Variants in SYTL2 observed in about 807,000 individuals in gnomAD.
The protein encoded by SYTL2 is synaptotagmin like 2, also known as synaptotagmin-like protein 2.
In SYTL2, 165 loss-of-function variants were observed where a neutral mutation model predicts 198.7. The observed-to-expected ratio is 0.83, with a 90% CI of 0.73 to 0.94. The LOEUF (loss-of-function observed/expected upper bound fraction) is 0.94, where lower values mean the gene tolerates loss of function less well. Ranked by LOEUF, SYTL2 falls within the 40% of genes least tolerant of loss-of-function variation. SYTL2 has a pLI of 0.00. For missense variants in SYTL2, 2,835 were observed against 2,582.8 expected (o/e 1.10, Z -2.12); for synonymous variants, 966 against 917.7 (o/e 1.05, Z -0.95).
chr11:85,835,765 C>T, the SYTL2 span, among the ~76,000 whole-genome samples: 1 of 152,118 alleles, frequency 6.6e-6, no homozygotes, highest in Non-Finnish European at 1.5e-5. Flanking sequence ...CTTCAAATGT[C>T]AGTATGTAGA....
At chr11:85,806,915 A>C (rs759156756) in intron 1 of SYTL2, among the ~76,000 whole-genome samples, 2 of 152,258 alleles carry the variant, frequency 1.3e-5, no homozygotes, top group African/African-American at 2.4e-5. Flanking sequence ...TGCCAGATGC[A>C]GAAGTTGAAA....
intron 17 of SYTL2, among the ~76,000 whole-genome samples, chr11:85,698,649 T>C (rs891630294): frequency 2.0e-5 from 3 of 152,258 alleles, no homozygotes; most frequent in Admixed American, 1.3e-4. Flanking sequence ...GTGATCCTCC[T>C]ACCTCAGCCC....
At chr11:85,777,089 A>G (rs1219004725) in intron 1 of SYTL2, among the ~76,000 whole-genome samples, 1 of 152,238 alleles carries the variant, frequency 6.6e-6, no homozygotes, top group Non-Finnish European at 1.5e-5. Flanking sequence ...ACAGGAAAAC[A>G]AAAGGACATC....
intron 14 of SYTL2, among the ~76,000 whole-genome samples, chr11:85,708,836 G>GTTTTTTTTT: frequency 1.6e-5 from 1 of 64,274 alleles, no homozygotes; most frequent in African/African-American, 7.7e-5. Context: ...GCTTCTCTGT[G>GTTTTTTTTT]ATTTTTTTTT....
chr11:85,709,626 T>C (rs1172942265), intron 13 of SYTL2, 126 bp from the exon 14 acceptor site: 5 of 831,664 alleles, frequency 6.0e-6, no homozygotes, highest in South Asian at 1.6e-5. Context: ...TAATTCAATA[T>C]AGCATAAAGA....
At chr11:85,713,918 G>A (rs1229696296) in intron 12 of SYTL2, among the ~76,000 whole-genome samples, 1 of 152,188 alleles carries the variant, frequency 6.6e-6, no homozygotes, top group East Asian at 1.9e-4. Context: ...CACCTGTAAT[G>A]TGTGGGGATA....
chr11:85,751,109 G>A (rs2091484571), intron 2 of SYTL2, among the ~76,000 whole-genome samples: 1 of 152,128 alleles, frequency 6.6e-6, no homozygotes, highest in African/African-American at 2.4e-5. Context: ...AGCCATTATA[G>A]TAAGGAAAGG....
the SYTL2 span, among the ~76,000 whole-genome samples, chr11:85,829,060 T>G: frequency 2.8e-5 from 4 of 145,104 alleles, no homozygotes; most frequent in South Asian, 2.2e-4. Context: ...TTTTTTTTTT[T>G]TTGTTTGTTT....
intron 1 of SYTL2, among the ~76,000 whole-genome samples, chr11:85,792,295 G>A (rs907891905): frequency 8.5e-5 from 13 of 152,092 alleles, no homozygotes; most frequent in African/African-American, 2.9e-4. Context: ...ACCCTAACGG[G>A]GTAGTTAAGA....
chr11:85,850,727 G>A, the SYTL2 span, among the ~76,000 whole-genome samples: 9 of 150,802 alleles, frequency 6.0e-5, no homozygotes, highest in East Asian at 1.9e-4. Flanking sequence ...ACATGCACAC[G>A]TATGTTTATT....
intron 2 of SYTL2, 91 bp downstream of exon 2, chr11:85,757,534 A>T: frequency 7.1e-7 from 1 of 1,414,818 alleles, no homozygotes; most frequent in Non-Finnish European, 9.8e-7. Context: ...AGTCAGAACT[A>T]CCACTTATAG....
the SYTL2 span, among the ~76,000 whole-genome samples, chr11:85,850,202 T>C: frequency 8.0e-4 from 118 of 147,262 alleles, 2 homozygotes; most frequent in East Asian, 0.016. Context: ...GACAATGGGG[T>C]TTTCTAGATA....
In SYTL2 at chr11:85,800,500, A is replaced by G. The variant is rs184374461; in HGVS notation, c.-390+10454T>C. ...TGCTATGTTGCTCAGGCTGGTCTCA[A>G]ACTCCTGGGTTCAAGCAATCCTCCC... On this transcript the variant is annotated intron_variant, in intron 1 of 19. Coordinates refer to ENST00000359152, the MANE Select transcript of SYTL2 (RefSeq NM_206927.4). Among the ~76,000 whole-genome samples, 538 of 152,128 alleles carry G rather than the reference A, an allele frequency of 3.5e-3. 4 individuals are homozygous for G. Among genetic ancestry groups the G allele is most frequent in the Non-Finnish European group, 4.6e-3 (310 of 67,982 alleles).
At chr11:85,817,386 G>A in the SYTL2 span, among the ~76,000 whole-genome samples, 6 of 152,056 alleles carry the variant, frequency 3.9e-5, no homozygotes, top group East Asian at 1.9e-4. Context: ...AGATTGAGAC[G>A]TACTGTAAGT....
intron 1 of SYTL2, among the ~76,000 whole-genome samples, chr11:85,762,427 A>C (rs1247192531): frequency 6.6e-6 from 1 of 152,232 alleles, no homozygotes; most frequent in Non-Finnish European, 1.5e-5. Context: ...TCCTCCATTC[A>C]GCATGATGCT....
chr11:85,818,538 G>T, the SYTL2 span, among the ~76,000 whole-genome samples: 2 of 152,052 alleles, frequency 1.3e-5, no homozygotes, highest in African/African-American at 2.4e-5. Flanking sequence ...GTAAAAATCA[G>T]CAGGTCTCTT....
At chr11:85,847,984 T>C in the SYTL2 span, among the ~76,000 whole-genome samples, 6 of 152,264 alleles carry the variant, frequency 3.9e-5, no homozygotes, top group South Asian at 8.3e-4. Flanking sequence ...CCCAGCACTT[T>C]GGGAGGCTAA....
intron 1 of SYTL2, among the ~76,000 whole-genome samples, chr11:85,771,893 ATTATAG>A (rs1194268719): frequency 6.7e-6 from 1 of 150,362 alleles, no homozygotes; most frequent in Non-Finnish European, 1.5e-5. Context: ...ATTATATATA[ATTATAG>A]TTATATATAT....
At chr11:85,854,718 GT>G in the SYTL2 span, 1 of 152,298 alleles carries the variant, frequency 6.6e-6, no homozygotes. Context: ...CCCCGTCCCC[GT>G]CCCCCGAACT....
Sources: gnomAD v4.1 joint callset for allele counts (sites outside exome capture counted in the v4.1 genomes callset) on GRCh38, gnomAD v4.1.1 for gene constraint, MANE v1.5 for transcripts, NCBI Gene and HGNC (gene_info 2026-07-23, HGNC 2026-07-21) for gene names.